Variants in NKAIN2 observed in about 807,000 individuals in gnomAD.
The protein encoded by NKAIN2 is sodium/potassium transporting ATPase interacting 2, also known as sodium/potassium-transporting ATPase subunit beta-1-interacting protein 2.
In NKAIN2, 14 loss-of-function variants were observed where a neutral mutation model predicts 32.6. That is an observed-to-expected ratio of 0.43 (90% confidence interval 0.28 to 0.67). The LOEUF (loss-of-function observed/expected upper bound fraction) is 0.67. Among genes scored for constraint, NKAIN2 ranks in the 30% least tolerant of loss-of-function variants. The pLI is 0.17. For synonymous variants in NKAIN2, 80 were observed against 87.2 expected, an observed-to-expected ratio of 0.92 and a Z score of 0.46; for missense variants, 198 against 258.3, an observed-to-expected ratio of 0.77 and a Z score of 1.60.
intron 4 of NKAIN2, among the ~76,000 whole-genome samples, chr6:124,695,543 A>C (rs1774457884): frequency 6.6e-6 from 1 of 152,226 alleles, no homozygotes; most frequent in Non-Finnish European, 1.5e-5. Flanking sequence ...CAATGGTCTT[A>C]TATTGATAAC....
At chr6:123,879,998 G>A (rs558186063) in intron 1 of NKAIN2, among the ~76,000 whole-genome samples, 1 of 152,220 alleles carries the variant, frequency 6.6e-6, no homozygotes, top group Non-Finnish European at 1.5e-5. Flanking sequence ...TTCTTCAGAT[G>A]GATAGAGCAA....
intron 4 of NKAIN2, among the ~76,000 whole-genome samples, chr6:124,717,540 T>C (rs1775810303): frequency 6.6e-6 from 1 of 152,178 alleles, no homozygotes; most frequent in African/African-American, 2.4e-5. Context: ...TAGTTAGTAT[T>C]ATTATTCCAG....
intron 1 of NKAIN2, among the ~76,000 whole-genome samples, chr6:123,857,508 A>G (rs1157283209): frequency 6.6e-6 from 1 of 152,182 alleles, no homozygotes; most frequent in Non-Finnish European, 1.5e-5. Flanking sequence ...ATAATTGAAA[A>G]TTTTTATTTT....
chr6:124,061,880 A>G (rs1424277474), intron 1 of NKAIN2, among the ~76,000 whole-genome samples: 3 of 152,188 alleles, frequency 2.0e-5, no homozygotes, highest in Non-Finnish European at 4.4e-5. Flanking sequence ...CCTTTAAAAA[A>G]TGTTCTTCAT....
At chr6:124,277,621 T>G (rs1022174640) in intron 1 of NKAIN2, among the ~76,000 whole-genome samples, 2 of 152,128 alleles carry the variant, frequency 1.3e-5, no homozygotes, top group African/African-American at 2.4e-5. Context: ...GAAGTCCACT[T>G]TGTCAATGCA....
At chr6:124,785,088 T>C (rs1167402235) in intron 4 of NKAIN2, among the ~76,000 whole-genome samples, 2 of 152,130 alleles carry the variant, frequency 1.3e-5, no homozygotes, top group Non-Finnish European at 2.9e-5. Flanking sequence ...GTTAGGTCTT[T>C]TGTTATTTCC....
chr6:124,788,171 T>C lies in NKAIN2; in HGVS notation c.475-3168T>C, dbSNP rs185044542. ...AGGACTATATTTCAAACAATGGCTCTAACCAGGGGAAATTTTGCCTTTTAG... is the reference window on the plus strand; with the variant it reads ...AGGACTATATTTCAAACAATGGCTCCAACCAGGGGAAATTTTGCCTTTTAG... On this transcript the variant is annotated intron_variant, in intron 4 of 6. Transcript: ENST00000368417. Among the ~76,000 whole-genome samples, 46 of 152,250 alleles carry C rather than the reference T, an allele frequency of 3.0e-4. 1 individual carries two copies. Among genetic ancestry groups the C allele is most frequent in the Admixed American group, 2.8e-3 (42 of 15,270 alleles).
chr6:124,063,757 T>C (rs866488344), intron 1 of NKAIN2, among the ~76,000 whole-genome samples: 3 of 152,146 alleles, frequency 2.0e-5, no homozygotes, highest in South Asian at 2.1e-4. Context: ...TTAGTATATT[T>C]ATTTGAATAT....
chr6:124,040,759 C>T lies in NKAIN2; in HGVS notation c.54+236505C>T, dbSNP rs186046780. ...TCAAATTCTTAAAGCTGTGTTACCA[C>T]GAACAAGTTACTTAACATCTTTGAT... is the stretch of plus-strand genomic sequence containing the variant. On this transcript the variant is annotated intron_variant, in intron 1 of 6. Coordinates refer to ENST00000368417, the MANE Select transcript of NKAIN2 (RefSeq NM_001040214.3). Among the ~76,000 whole-genome samples, 7 of 151,954 alleles carry T rather than the reference C, an allele frequency of 4.6e-5. No individual in the cohort carries two copies. The East Asian group carries it at 7.8e-4, about 17-fold the overall frequency.
At chr6:124,142,399 A>G (rs1168310528) in intron 1 of NKAIN2, among the ~76,000 whole-genome samples, 3 of 152,220 alleles carry the variant, frequency 2.0e-5, no homozygotes, top group Non-Finnish European at 4.4e-5. Context: ...TTCTTTTATT[A>G]TAATTGAAAA....
intron 1 of NKAIN2, among the ~76,000 whole-genome samples, chr6:124,054,461 T>C (rs1162662034): frequency 6.6e-6 from 1 of 152,068 alleles, no homozygotes; most frequent in African/African-American, 2.4e-5. Flanking sequence ...GCAGTACCTA[T>C]TAAATATTGG....
intron 4 of NKAIN2, among the ~76,000 whole-genome samples, chr6:124,711,119 G>C (rs1775427919): frequency 7.0e-6 from 1 of 141,960 alleles, no homozygotes; most frequent in Admixed American, 7.1e-5. Flanking sequence ...TGAAATTCTG[G>C]GTTGAAAATT....
chr6:124,356,499 T>A (rs1398750592), intron 3 of NKAIN2, among the ~76,000 whole-genome samples: 2 of 152,244 alleles, frequency 1.3e-5, no homozygotes, highest in African/African-American at 2.4e-5. Flanking sequence ...TTCTTGGATG[T>A]GTAATTTTAT....
chr6:124,762,534 T>A (rs1056866645), intron 4 of NKAIN2, among the ~76,000 whole-genome samples: 1 of 152,184 alleles, frequency 6.6e-6, no homozygotes, highest in African/African-American at 2.4e-5. Context: ...TCAAAGTAAG[T>A]TATGAAAAAT....
intron 5 of NKAIN2, among the ~76,000 whole-genome samples, chr6:124,802,492 T>C (rs1432760156): frequency 6.6e-6 from 1 of 152,206 alleles, no homozygotes; most frequent in Non-Finnish European, 1.5e-5. Context: ...TAAGATGAAG[T>C]TGGCTTAGTT....
At chr6:124,390,945 A>G (rs1357266379) in intron 3 of NKAIN2, 1 of 152,028 alleles carries the variant, frequency 6.6e-6, no homozygotes. Flanking sequence ...AAAAAAAGAG[A>G]AGCATCTAAA....
At chr6:124,454,890 A>G (rs1371965846) in intron 3 of NKAIN2, among the ~76,000 whole-genome samples, 1 of 152,040 alleles carries the variant, frequency 6.6e-6, no homozygotes, top group Non-Finnish European at 1.5e-5. Context: ...TGGATACTGC[A>G]TTTAAGAATC....
rs60417104 is a variant in NKAIN2 at position 124,793,679 on chromosome 6, C to CA, written c.535+2297dup. ...TGCTAGTTCCACAAGACATACTGCT[C>CA]AAAAAAAAAAAAAAAAAGATTCCAA... On this transcript the variant is annotated intron_variant, in intron 5 of 6. Transcript: ENST00000368417. Among the ~76,000 whole-genome samples the CA allele has an allele frequency of 3.6e-3, 509 of 142,704 alleles. 3 individuals are homozygous for CA. The highest frequency in any genetic ancestry group is 0.013 in the African/African-American group (469 of 36,872). The allele number at this position is 142,704 out of a possible 152,430, so 93.6% of individuals were successfully genotyped here.
At chr6:123,876,112 C>A (rs910232504) in intron 1 of NKAIN2, among the ~76,000 whole-genome samples, 1 of 151,788 alleles carries the variant, frequency 6.6e-6, no homozygotes, top group Non-Finnish European at 1.5e-5. Context: ...GTTCTGAGAC[C>A]CTATTTATTT....
Sources: gnomAD v4.1 joint callset for allele counts (sites outside exome capture counted in the v4.1 genomes callset) on GRCh38, gnomAD v4.1.1 for gene constraint, MANE v1.5 for transcripts, NCBI Gene and HGNC (gene_info 2026-07-23, HGNC 2026-07-21) for gene names.